Variants in ETV6 observed in about 807,000 individuals in gnomAD.
The protein encoded by ETV6 is transcription factor ETV6.
Under a neutral mutation model 51.1 loss-of-function variants are expected in ETV6, and 16 were observed. The ratio of observed to expected loss-of-function variants is 0.31; its 90% confidence interval spans 0.21 to 0.48. The LOEUF is 0.48. Among genes scored for constraint, ETV6 ranks in the 20% least tolerant of loss-of-function variants. The pLI, the probability that ETV6 is intolerant of heterozygous loss-of-function variation, is 0.99. For synonymous variants in ETV6, 240 were observed against 224.1 expected (o/e 1.07, Z -0.64); for missense variants, 458 against 594.8 (o/e 0.77, Z 2.39).
At chr12:11,750,792 C>CTTTTTT (rs6144613) in intron 1 of ETV6, 22 of 369,988 alleles carry the variant, frequency 5.9e-5, no homozygotes, top group African/African-American at 1.0e-4. Context: ...TATGTGTGGG[C>CTTTTTT]TTTTTTTTTT....
chr12:11,731,295 GA>G (rs1369750912), intron 1 of ETV6, among the ~76,000 whole-genome samples: 3 of 152,160 alleles, frequency 2.0e-5, no homozygotes, highest in Non-Finnish European at 4.4e-5. Flanking sequence ...TTTTTGTATT[GA>G]AAATATAACT....
At chr12:11,787,315 C>T (rs1303558726) in intron 2 of ETV6, among the ~76,000 whole-genome samples, 1 of 152,156 alleles carries the variant, frequency 6.6e-6, no homozygotes, top group African/African-American at 2.4e-5. Flanking sequence ...GTGACTGATC[C>T]TTACTGAGTT....
At chr12:11,847,227 C>T (rs147435277) in intron 3 of ETV6, among the ~76,000 whole-genome samples, 11 of 152,226 alleles carry the variant, frequency 7.2e-5, no homozygotes, top group African/African-American at 2.6e-4. Flanking sequence ...ACGATTACTC[C>T]CAGGTTTCTG....
chr12:11,772,960 C>A (rs572242109), intron 2 of ETV6, among the ~76,000 whole-genome samples: 2 of 151,870 alleles, frequency 1.3e-5, no homozygotes, highest in Non-Finnish European at 2.9e-5. Context: ...TTTGGGAGGC[C>A]GAGGCAGGTG....
At chr12:11,700,484 G>A (rs1020724468) in intron 1 of ETV6, among the ~76,000 whole-genome samples, 2 of 152,014 alleles carry the variant, frequency 1.3e-5, no homozygotes, top group African/African-American at 4.8e-5. Context: ...CTTACTTTCT[G>A]TTTCTGAGTT....
intron 1 of ETV6, among the ~76,000 whole-genome samples, chr12:11,731,907 C>T (rs1044616804): frequency 4.6e-5 from 7 of 152,054 alleles, no homozygotes; most frequent in African/African-American, 1.7e-4. Context: ...GTAGGGTAAC[C>T]GGCTTGTCCC....
At chr12:11,885,546 G>C (rs1179055219) in intron 6 of ETV6, among the ~76,000 whole-genome samples, 3 of 152,234 alleles carry the variant, frequency 2.0e-5, no homozygotes, top group African/African-American at 4.8e-5. Flanking sequence ...AAGAAATGCT[G>C]TGTGGGTCAG....
intron 2 of ETV6, among the ~76,000 whole-genome samples, chr12:11,834,132 G>A (rs976497899): frequency 6.6e-6 from 1 of 152,188 alleles, no homozygotes; most frequent in African/African-American, 2.4e-5. Flanking sequence ...GACCAATTAA[G>A]GACGTTTCAT....
intron 1 of ETV6, among the ~76,000 whole-genome samples, chr12:11,653,682 C>T (rs527910083): frequency 4.6e-5 from 7 of 152,176 alleles, no homozygotes; most frequent in South Asian, 2.1e-4. Flanking sequence ...CTCAGGGTGA[C>T]GTAACACTTT....
chr12:11,775,793 C>T (rs1439345963), intron 2 of ETV6, among the ~76,000 whole-genome samples: 1 of 152,222 alleles, frequency 6.6e-6, no homozygotes. Flanking sequence ...GGTTTCTGAG[C>T]AGTCACTGAG....
rs1947309761 is a variant in ETV6 at position 11,892,466 on chromosome 12, T to C, written c.*1420T>C. The C allele has an allele frequency of 8.6e-6, 2 of 232,856 alleles. No homozygotes were observed. Among genetic ancestry groups the C allele is most frequent in the South Asian group, 3.6e-4 (2 of 5,518 alleles). The allele number at this position is 232,856 out of a possible 1,614,324, so 14.4% of individuals were successfully genotyped here. A position where few individuals can be genotyped will look rare whatever the true frequency, so the allele number is the denominator to read the frequency against. ...TCGATGGTATCTTGTAAAATGAGGG[T>C]AGTGCCACTTCTTAGTATTTTTGAA... is the stretch of plus-strand genomic sequence containing the variant. On this transcript the variant is annotated 3_prime_UTR_variant, in exon 8 of 8. Coordinates refer to ENST00000396373, the MANE Select transcript of ETV6 (RefSeq NM_001987.5).
chr12:11,875,395 T>G (rs759793962), intron 5 of ETV6, among the ~76,000 whole-genome samples: 6 of 152,198 alleles, frequency 3.9e-5, no homozygotes, highest in Non-Finnish European at 8.8e-5. Context: ...TGTTTTCTAC[T>G]TGGTATCTTT....
intron 2 of ETV6, among the ~76,000 whole-genome samples, chr12:11,771,719 A>G (rs1449709105): frequency 6.6e-6 from 1 of 152,220 alleles, no homozygotes; most frequent in Non-Finnish European, 1.5e-5. Flanking sequence ...CATATAACCA[A>G]CACCATGTCC....
At chr12:11,850,195 C>G (rs1946529451) in intron 3 of ETV6, among the ~76,000 whole-genome samples, 2 of 152,114 alleles carry the variant, frequency 1.3e-5, no homozygotes, top group African/African-American at 2.4e-5. Flanking sequence ...TTGACCCGCC[C>G]CTCCCCCTGC....
chr12:11,816,305 C>T (rs1284241107), intron 2 of ETV6, among the ~76,000 whole-genome samples: 4 of 152,186 alleles, frequency 2.6e-5, no homozygotes, highest in African/African-American at 9.7e-5. Context: ...AGTGCAATGG[C>T]GCCGTCTCGG....
intron 1 of ETV6, among the ~76,000 whole-genome samples, chr12:11,717,574 A>G (rs954220335): frequency 6.6e-6 from 1 of 152,222 alleles, no homozygotes; most frequent in African/African-American, 2.4e-5. Flanking sequence ...TCTAGCTGTC[A>G]TGTCTGAGAA....
At chr12:11,883,408 C>T (rs570645820) in intron 5 of ETV6, among the ~76,000 whole-genome samples, 1 of 150,202 alleles carries the variant, frequency 6.7e-6, no homozygotes, top group South Asian at 2.1e-4. Flanking sequence ...ATTCTCCTGC[C>T]TCAGTGTCCT....
chr12:11,674,819 C>G (rs1349559428), intron 1 of ETV6, among the ~76,000 whole-genome samples: 1 of 152,028 alleles, frequency 6.6e-6, no homozygotes, highest in East Asian at 1.9e-4. Context: ...CTCACTGCCC[C>G]AGGAGCGGAG....
chr12:11,662,415 C>T (rs1346379204), intron 1 of ETV6, among the ~76,000 whole-genome samples: 1 of 152,202 alleles, frequency 6.6e-6, no homozygotes, highest in Non-Finnish European at 1.5e-5. Context: ...CTGAGAATTT[C>T]TCTGTCTTGA....
Sources: gnomAD v4.1 joint callset for allele counts (sites outside exome capture counted in the v4.1 genomes callset) on GRCh38, gnomAD v4.1.1 for gene constraint, MANE v1.5 for transcripts, NCBI Gene and HGNC (gene_info 2026-07-23, HGNC 2026-07-21) for gene names.